Variants in MTCL2 observed in about 807,000 individuals in gnomAD.
MTCL2 encodes microtubule crosslinking factor 2, also known as microtubule cross-linking factor 2.
chr20:36,792,907 A>AT, the MTCL2 span, among the ~76,000 whole-genome samples: 261 of 145,520 alleles, frequency 1.8e-3, 1 homozygote, highest in Middle Eastern at 0.011. Context: ...CAGATAGATA[A>AT]TTTTTTTTTT....
chr20:36,827,085 C>T, the MTCL2 span, among the ~76,000 whole-genome samples: 1 of 151,044 alleles, frequency 6.6e-6, no homozygotes, highest in African/African-American at 2.4e-5. Flanking sequence ...ACTTTTGTCG[C>T]CCAGGCTGGA....
the MTCL2 span, among the ~76,000 whole-genome samples, chr20:36,850,368 A>G: frequency 8.5e-5 from 13 of 152,274 alleles, no homozygotes; most frequent in South Asian, 2.1e-3. Flanking sequence ...CTCTATAAAA[A>G]TACAAAAAAT....
At chr20:36,815,120 C>T in the MTCL2 span, 44 of 1,576,074 alleles carry the variant, frequency 2.8e-5, no homozygotes, top group African/African-American at 4.8e-4. This position sits in a 1 kb window ranked among gnomAD's most constrained non-coding sequence, Gnocchi z 5.3. Context: ...GCATGAGGCA[C>T]CTTACCTGAA....
chr20:36,804,782 C>A, the MTCL2 span: 1 of 1,613,958 alleles, frequency 6.2e-7, no homozygotes, highest in East Asian at 2.2e-5. Context: ...TCCCAGGTAG[C>A]CTTGGCCTTG....
the MTCL2 span, among the ~76,000 whole-genome samples, chr20:36,820,955 T>A: frequency 2.0e-5 from 3 of 152,368 alleles, no homozygotes; most frequent in Admixed American, 2.0e-4. Flanking sequence ...AGGAGTAGAA[T>A]TGAAGGAGGC....
chr20:36,851,239 T>C, the MTCL2 span, among the ~76,000 whole-genome samples: 3 of 152,214 alleles, frequency 2.0e-5, no homozygotes, highest in Middle Eastern at 0.01. Flanking sequence ...GTATATTGTA[T>C]ATAGTTGTAC....
At chr20:36,826,313 CTCCCCCT>C in the MTCL2 span, among the ~76,000 whole-genome samples, 1 of 16,176 alleles carries the variant, frequency 6.2e-5, no homozygotes, top group Non-Finnish European at 1.3e-4. Flanking sequence ...CCCCCTCCCC[CTCCCCCT>C]CTCCCTCCCC....
At chr20:36,854,989 T>C in the MTCL2 span, among the ~76,000 whole-genome samples, 3 of 152,006 alleles carry the variant, frequency 2.0e-5, no homozygotes, top group African/African-American at 4.8e-5. Context: ...TGCAGCTCTG[T>C]GCATAACACT....
At chr20:36,844,603 T>C in the MTCL2 span, among the ~76,000 whole-genome samples, 10 of 151,400 alleles carry the variant, frequency 6.6e-5, no homozygotes, top group South Asian at 2.1e-4. Flanking sequence ...GGTGGGAGGA[T>C]TGTTTGAGCC....
the MTCL2 span, chr20:36,786,625 C>T: frequency 6.5e-7 from 1 of 1,550,098 alleles, no homozygotes; most frequent in Admixed American, 2.0e-5. Flanking sequence ...GTACTACAGT[C>T]ACAAACAGCG....
the MTCL2 span, chr20:36,816,032 C>A: frequency 3.7e-6 from 6 of 1,613,730 alleles, no homozygotes; most frequent in Non-Finnish European, 4.2e-6. Flanking sequence ...GGCCTCGGTT[C>A]TCCACCTCCA....
chr20:36,848,112 G>A, the MTCL2 span, among the ~76,000 whole-genome samples: 2 of 152,202 alleles, frequency 1.3e-5, no homozygotes, highest in Non-Finnish European at 2.9e-5. Flanking sequence ...GTGCACCACT[G>A]CACTCCAGGC....
At chr20:36,812,612 C>G in the MTCL2 span, 4 of 1,504,846 alleles carry the variant, frequency 2.7e-6, no homozygotes, top group South Asian at 5.1e-5. Flanking sequence ...CATATCCTCA[C>G]CAGCTAAGTG....
At chr20:36,802,487 T>C in the MTCL2 span, among the ~76,000 whole-genome samples, 1 of 152,086 alleles carries the variant, frequency 6.6e-6, no homozygotes, top group Non-Finnish European at 1.5e-5. Context: ...AGTTCCTCCC[T>C]CTTGGTTCCT....
chr20:36,801,060 A>G, the MTCL2 span, among the ~76,000 whole-genome samples: 2 of 151,878 alleles, frequency 1.3e-5, no homozygotes, highest in Admixed American at 6.6e-5. Context: ...CTTTTTTTAG[A>G]TACGAAGTCT....
chr20:36,833,669 G>A, the MTCL2 span, among the ~76,000 whole-genome samples: 2,346 of 152,036 alleles, frequency 0.015, 19 homozygotes, highest in Middle Eastern at 0.048. Flanking sequence ...AGCAAAATAG[G>A]GAGACCCCCA....
At chr20:36,805,786 A>C in the MTCL2 span, 4 of 1,338,982 alleles carry the variant, frequency 3.0e-6, no homozygotes, top group Non-Finnish European at 2.0e-6. Flanking sequence ...AAGCAGTAGG[A>C]ATTGATTACT....
At chr20:36,786,676 A>T in the MTCL2 span, 1 of 1,524,752 alleles carries the variant, frequency 6.6e-7, no homozygotes, top group Non-Finnish European at 8.8e-7. Flanking sequence ...AGTCAAGAGG[A>T]GCCAGGAGAC....
At chr20:36,788,624 C>T in the MTCL2 span, among the ~76,000 whole-genome samples, 3 of 151,888 alleles carry the variant, frequency 2.0e-5, no homozygotes, top group Non-Finnish European at 4.4e-5. Flanking sequence ...GGCAACAGAG[C>T]GAGACTCCGT....
Sources: allele counts gnomAD v4.1 joint callset (sites outside exome capture counted in the v4.1 genomes callset), GRCh38; gene constraint gnomAD v4.1.1; non-coding constraint Gnocchi (gnomAD v3.1); transcripts MANE v1.5; gene names NCBI Gene and HGNC (gene_info 2026-07-23, HGNC 2026-07-21).